Variants in TSPAN5 observed in about 807,000 individuals in gnomAD.
TSPAN5 encodes tetraspanin 5.
Under a neutral mutation model 37.1 loss-of-function variants are expected in TSPAN5, and 10 were observed. The ratio of observed to expected loss-of-function variants is 0.27; its 90% CI spans 0.17 to 0.46. The LOEUF is 0.46. Among genes scored for constraint, TSPAN5 ranks in the 20% least tolerant of loss-of-function variants. The pLI is 1.00. For missense variants in TSPAN5, 195 were observed against 326.6 expected (o/e 0.60, Z 3.11); for synonymous variants, 110 against 118.9 (o/e 0.93, Z 0.48).
chr4:98,565,773 G>A (rs74639463), intron 1 of TSPAN5, among the ~76,000 whole-genome samples: 1,926 of 152,250 alleles, frequency 0.013, 42 homozygotes, highest in African/African-American at 0.042. Flanking sequence ...CAGTCCAGGT[G>A]CCTGTGTTCC....
intron 1 of TSPAN5, among the ~76,000 whole-genome samples, chr4:98,641,122 G>A (rs1258122772): frequency 1.3e-5 from 2 of 152,084 alleles, no homozygotes; most frequent in Non-Finnish European, 2.9e-5. Flanking sequence ...GGGAGAAAAA[G>A]TTAAATCACA....
chr4:98,471,363 G>T lies in TSPAN5; in HGVS notation c.*1159C>A, dbSNP rs1438466957. 6.6e-6 allele frequency: 1 copy of T among 152,150 alleles called. No homozygotes were observed. Among genetic ancestry groups the T allele is most frequent in the East Asian group, 1.9e-4 (1 of 5,184 alleles). 9.4% of individuals were successfully genotyped at this position (152,150 alleles called of 1,614,324 possible). A position where few individuals can be genotyped will look rare whatever the true frequency, so the allele number is the denominator to read the frequency against. On this transcript the variant is annotated 3_prime_UTR_variant, in exon 8 of 8. Coordinates refer to ENST00000305798, the MANE Select transcript of TSPAN5 (RefSeq NM_005723.4). ...GAAAAGGCCACTCAGATCGACTCTG[G>T]AAGAGATCATCAAGACCAGGGAAGC...
intron 1 of TSPAN5, among the ~76,000 whole-genome samples, chr4:98,646,615 C>T (rs906219775): frequency 6.6e-6 from 1 of 152,106 alleles, no homozygotes; most frequent in Non-Finnish European, 1.5e-5. Context: ...ACAATAGAAG[C>T]GAATTCATGG....
intron 1 of TSPAN5, among the ~76,000 whole-genome samples, chr4:98,549,292 G>GGT (rs1560532920): frequency 2.0e-5 from 3 of 147,110 alleles, no homozygotes; most frequent in African/African-American, 2.6e-5. Context: ...TTGTTTGTTT[G>GGT]TTTGTTTTTG....
intron 1 of TSPAN5, among the ~76,000 whole-genome samples, chr4:98,655,909 A>G (rs977861646): frequency 1.3e-5 from 2 of 152,184 alleles, no homozygotes; most frequent in African/African-American, 4.8e-5. Flanking sequence ...GAAAGGTATG[A>G]GGGAGTATCT....
At position 98,631,658 on chromosome 4, in the gene TSPAN5, C is replaced by T. The variant is rs201655643; in HGVS notation, c.81+26488G>A. Among the ~76,000 whole-genome samples the T allele has an allele frequency of 3.3e-5, 5 of 152,276 alleles. No homozygotes were observed. In the East Asian group the frequency reaches 9.7e-4, roughly 29 times the overall value. The stretch of plus-strand genomic sequence containing the variant: ...TCTTTAGTGTTGTTCTGTTTTAAGA[C>T]CTCAGGCTATAGGATCTGATAAAAA... On this transcript the variant is annotated intron_variant, in intron 1 of 7. Transcript: ENST00000305798.
chr4:98,525,316 C>G (rs946932756), intron 1 of TSPAN5, among the ~76,000 whole-genome samples: 1 of 152,154 alleles, frequency 6.6e-6, no homozygotes, highest in African/African-American at 2.4e-5. Context: ...GCAGAGTTTG[C>G]ACATTTGCCC....
At chr4:98,524,003 T>C (rs928920393) in intron 1 of TSPAN5, among the ~76,000 whole-genome samples, 16 of 152,206 alleles carry the variant, frequency 1.1e-4, no homozygotes, top group Non-Finnish European at 1.9e-4. Context: ...ATGTGTTTTA[T>C]GTATAGTAGG....
At chr4:98,507,333 C>T (rs1292506295) in intron 2 of TSPAN5, among the ~76,000 whole-genome samples, 3 of 152,132 alleles carry the variant, frequency 2.0e-5, no homozygotes, top group African/African-American at 7.2e-5. Context: ...AAAAAGGCTA[C>T]AGGTGGTTTA....
chr4:98,641,709 C>T (rs201540355), intron 1 of TSPAN5, among the ~76,000 whole-genome samples: 41 of 152,230 alleles, frequency 2.7e-4, no homozygotes, highest in Admixed American at 5.2e-4. Context: ...AACATATAAA[C>T]GGTAAGCAGA....
chr4:98,526,626 T>C (rs1394116347), intron 1 of TSPAN5, among the ~76,000 whole-genome samples: 1 of 150,628 alleles, frequency 6.6e-6, no homozygotes. Context: ...ATGCCATAAA[T>C]GAGACTGAGA....
intron 2 of TSPAN5, among the ~76,000 whole-genome samples, chr4:98,497,971 G>A (rs902900060): frequency 2.0e-5 from 3 of 152,216 alleles, no homozygotes; most frequent in Non-Finnish European, 4.4e-5. Context: ...GGCATTTGGA[G>A]CAGAGGAAGC....
intron 1 of TSPAN5, among the ~76,000 whole-genome samples, chr4:98,601,809 C>T (rs1361748850): frequency 6.6e-6 from 1 of 152,198 alleles, no homozygotes; most frequent in Non-Finnish European, 1.5e-5. Context: ...CTCACCATGC[C>T]TTCCTCACTA....
At chr4:98,604,430 T>C (rs747452986) in intron 1 of TSPAN5, among the ~76,000 whole-genome samples, 4 of 152,226 alleles carry the variant, frequency 2.6e-5, no homozygotes, top group Non-Finnish European at 4.4e-5. Flanking sequence ...CACTGCATCC[T>C]TGACACGGTG....
At chr4:98,529,954 T>C (rs1356690820) in intron 1 of TSPAN5, among the ~76,000 whole-genome samples, 2 of 152,244 alleles carry the variant, frequency 1.3e-5, no homozygotes, top group Non-Finnish European at 2.9e-5. Context: ...GAATCTACAC[T>C]GCCATAGAAG....
intron 1 of TSPAN5, among the ~76,000 whole-genome samples, chr4:98,548,828 T>A (rs1754530991): frequency 6.6e-6 from 1 of 152,108 alleles, no homozygotes; most frequent in Admixed American, 6.6e-5. Flanking sequence ...TCCAGTTCCA[T>A]CCATGTTGCT....
chr4:98,620,807 T>C (rs1258350273), intron 1 of TSPAN5, among the ~76,000 whole-genome samples: 1 of 152,120 alleles, frequency 6.6e-6, no homozygotes, highest in South Asian at 2.1e-4. Context: ...TCAGACCACA[T>C]TGGGTGCTTT....
intron 1 of TSPAN5, among the ~76,000 whole-genome samples, chr4:98,520,062 A>G (rs1305615334): frequency 1.3e-5 from 2 of 152,184 alleles, no homozygotes; most frequent in Non-Finnish European, 2.9e-5. Flanking sequence ...CATTAAGGCT[A>G]CATATAGTCT....
At chr4:98,556,109 T>G (rs907230816) in intron 1 of TSPAN5, among the ~76,000 whole-genome samples, 2 of 136,436 alleles carry the variant, frequency 1.5e-5, no homozygotes, top group Admixed American at 8.5e-5. Flanking sequence ...CTTCACCTAC[T>G]ACCCAAACCA....
Sources: allele counts gnomAD v4.1 joint callset (sites outside exome capture counted in the v4.1 genomes callset), GRCh38; gene constraint gnomAD v4.1.1; transcripts MANE v1.5; gene names NCBI Gene and HGNC (gene_info 2026-07-23, HGNC 2026-07-21).